Variants in EPC2 observed in about 807,000 individuals in gnomAD.
The protein encoded by EPC2 is enhancer of polycomb homolog 2.
EPC2 carries 14 observed loss-of-function variants against 92.1 expected under a neutral mutation model. That is an observed-to-expected ratio of 0.15 (90% CI 0.10 to 0.24). EPC2 has a LOEUF of 0.24. EPC2 is among the 10% of genes least tolerant of loss of function. The pLI is 1.00. For missense variants in EPC2, 755 were observed against 971.5 expected (o/e 0.78, Z 2.96); for synonymous variants, 340 against 334.7 (o/e 1.02, Z -0.17).
At chr2:148,743,221 C>A (rs1434864071) in intron 2 of EPC2, among the ~76,000 whole-genome samples, 2 of 151,670 alleles carry the variant, frequency 1.3e-5, no homozygotes, top group African/African-American at 2.4e-5. Context: ...TCATTAGATA[C>A]CTGTTTTATC....
chr2:148,644,957 C>G lies in EPC2; in HGVS notation c.-61C>G. 7 of 1,371,972 alleles carry G rather than the reference C, an allele frequency of 5.1e-6. No homozygotes were observed. The highest frequency in any genetic ancestry group is 7.0e-6 in the Non-Finnish European group (7 of 995,860). 85.0% of individuals were successfully genotyped at this position (1,371,972 alleles called of 1,614,324 possible). A position where few individuals can be genotyped will look rare whatever the true frequency, so the allele number is the denominator to read the frequency against. On this transcript the variant is annotated 5_prime_UTR_variant, in exon 1 of 14. Transcript: ENST00000258484. ...AGGTGGAGGAGGCGGCGGGAGTCCT[C>G]CCCCCCTCCCCGCCCGCCCCGCCGC...
intron 7 of EPC2, among the ~76,000 whole-genome samples, chr2:148,766,384 A>T (rs1260252122): frequency 2.6e-5 from 4 of 152,226 alleles, no homozygotes; most frequent in African/African-American, 9.6e-5. Context: ...TTCTACCCAG[A>T]TAATATTCTG....
chr2:148,649,447 T>C (rs1680617916), intron 1 of EPC2, among the ~76,000 whole-genome samples: 1 of 152,254 alleles, frequency 6.6e-6, no homozygotes, highest in Non-Finnish European at 1.5e-5. Flanking sequence ...ATACATACTT[T>C]TTTATGTCTA....
At chr2:148,740,587 G>A (rs1294282209) in intron 2 of EPC2, among the ~76,000 whole-genome samples, 1 of 152,096 alleles carries the variant, frequency 6.6e-6, no homozygotes, top group Admixed American at 6.5e-5. Flanking sequence ...CTCACAAGCT[G>A]GGGTGCTGGC....
chr2:148,720,607 GC>G (rs779120206), intron 2 of EPC2, among the ~76,000 whole-genome samples: 6 of 152,062 alleles, frequency 3.9e-5, no homozygotes, highest in Non-Finnish European at 8.8e-5. Context: ...CCGTGTGTTG[GC>G]CCCAAGGCCC....
intron 2 of EPC2, among the ~76,000 whole-genome samples, chr2:148,719,475 C>A (rs1269199351): frequency 6.6e-6 from 1 of 152,128 alleles, no homozygotes; most frequent in Non-Finnish European, 1.5e-5. Flanking sequence ...ATAGTCTGGT[C>A]ACTCTTCTGT....
chr2:148,662,978 A>G (rs1407349364), intron 1 of EPC2, among the ~76,000 whole-genome samples: 2 of 151,712 alleles, frequency 1.3e-5, no homozygotes, highest in Admixed American at 1.3e-4. Context: ...ATAGTGATTC[A>G]GTCTCATTTT....
At position 148,778,784 on chromosome 2, in the gene EPC2, T is replaced by C. The variant is rs566519095; in HGVS notation, c.1721-2860T>C. 2.8e-4 allele frequency among the ~76,000 whole-genome samples: 43 copies of C among 152,230 alleles called. 1 individual carries two copies. The highest frequency in any genetic ancestry group is 7.7e-4 in the African/African-American group (32 of 41,544). ...AAAATTCTGAATGAGGAAAATCAGC[T>C]TGTTTCAAGCACAGAATACCTTACT... On this transcript the variant is annotated intron_variant, in intron 10 of 13. Coordinates refer to ENST00000258484, the MANE Select transcript of EPC2 (RefSeq NM_015630.4).
chr2:148,782,493 C>T (rs983050436), intron 11 of EPC2, among the ~76,000 whole-genome samples: 19 of 151,474 alleles, frequency 1.3e-4, no homozygotes, highest in African/African-American at 4.6e-4. Flanking sequence ...GCTAAGATCG[C>T]ACCACTGCAC....
At chr2:148,667,452 G>A (rs1312276146) in intron 1 of EPC2, among the ~76,000 whole-genome samples, 2 of 152,174 alleles carry the variant, frequency 1.3e-5, no homozygotes, top group Non-Finnish European at 2.9e-5. Context: ...AATTACAGTA[G>A]ATTTTTTTGT....
At chr2:148,734,803 CTTT>C (rs35981733) in intron 2 of EPC2, among the ~76,000 whole-genome samples, 4 of 137,916 alleles carry the variant, frequency 2.9e-5, no homozygotes, top group Non-Finnish European at 3.2e-5. Flanking sequence ...GAATTGATTT[CTTT>C]TTTTTTTTTT....
intron 10 of EPC2, among the ~76,000 whole-genome samples, chr2:148,780,937 T>C (rs1683735765): frequency 1.3e-5 from 2 of 152,214 alleles, no homozygotes; most frequent in Admixed American, 6.5e-5. Context: ...AGCTGATTTT[T>C]TCAACAAAAG....
At chr2:148,744,227 T>C (rs918558422) in intron 3 of EPC2, among the ~76,000 whole-genome samples, 8 of 152,150 alleles carry the variant, frequency 5.3e-5, no homozygotes, top group African/African-American at 1.9e-4. Flanking sequence ...AGGTATTTTA[T>C]ATATGGCACA....
At chr2:148,733,629 C>T (rs1284672717) in intron 2 of EPC2, among the ~76,000 whole-genome samples, 1 of 151,378 alleles carries the variant, frequency 6.6e-6, no homozygotes, top group African/African-American at 2.4e-5. Context: ...TCCCGGGTAG[C>T]TGGTACTACA....
chr2:148,710,794 A>C (rs181570882), intron 2 of EPC2, among the ~76,000 whole-genome samples: 379 of 152,320 alleles, frequency 2.5e-3, no homozygotes, highest in African/African-American at 8.5e-3. Flanking sequence ...GGAATTGAAC[A>C]ATGGGAACAC....
chr2:148,649,139 A>T (rs1330138228), intron 1 of EPC2, among the ~76,000 whole-genome samples: 1 of 152,190 alleles, frequency 6.6e-6, no homozygotes, highest in Non-Finnish European at 1.5e-5. Flanking sequence ...CATATATCCG[A>T]GATACTGTGT....
intron 2 of EPC2, among the ~76,000 whole-genome samples, chr2:148,703,648 C>T (rs1681932554): frequency 6.6e-6 from 1 of 152,104 alleles, no homozygotes; most frequent in Non-Finnish European, 1.5e-5. Flanking sequence ...CCCACCTCAA[C>T]CTCCTGAGTA....
chr2:148,782,090 AT>A (rs1378622385), intron 11 of EPC2, among the ~76,000 whole-genome samples: 1 of 152,138 alleles, frequency 6.6e-6, no homozygotes, highest in African/African-American at 2.4e-5. Flanking sequence ...TCCCCCAAAG[AT>A]TTTTTTGAAA....
intron 3 of EPC2, among the ~76,000 whole-genome samples, chr2:148,752,114 A>G (rs1335560731): frequency 6.6e-5 from 10 of 152,184 alleles, no homozygotes. Flanking sequence ...AAACCTGAGT[A>G]TTGTTATGTA....
Sources: gnomAD v4.1 joint callset for allele counts (sites outside exome capture counted in the v4.1 genomes callset) on GRCh38, gnomAD v4.1.1 for gene constraint, MANE v1.5 for transcripts, NCBI Gene and HGNC (gene_info 2026-07-23, HGNC 2026-07-21) for gene names.